RASGRP4: variants seen among roughly 807,000 people sequenced by gnomAD.
RASGRP4 encodes the protein RAS guanyl-releasing protein 4.
RASGRP4 carries 52 observed loss-of-function variants against 84.4 expected under a neutral mutation model. That is an observed-to-expected ratio of 0.62 (90% CI 0.49 to 0.78). RASGRP4 has a LOEUF of 0.78. Among genes scored for constraint, RASGRP4 ranks in the 30% least tolerant of loss-of-function variants. The pLI is 0.00. For synonymous variants in RASGRP4, 356 were observed against 359.1 expected, an observed-to-expected ratio of 0.99 and a Z score of 0.10; for missense variants, 760 against 886.9, an observed-to-expected ratio of 0.86 and a Z score of 1.82.
chr19:38,420,857 G>A, intron 4 of RASGRP4, 51 bp downstream of exon 4: 1 of 1,548,112 alleles, frequency 6.5e-7, no homozygotes, highest in Non-Finnish European at 8.9e-7. Context: ...TGAGGGGGAA[G>A]CAGGATGGAA....
intron 6 of RASGRP4, among the ~76,000 whole-genome samples, 193 bp downstream of exon 6, chr19:38,419,667 C>G (rs1319805712): frequency 6.6e-6 from 1 of 152,226 alleles, no homozygotes; most frequent in Non-Finnish European, 1.5e-5. Flanking sequence ...CTCCTGACCT[C>G]AGGCGATCTG....
Position 38,415,142 on chromosome 19 carries a change from G to A in RASGRP4, c.955-19C>T, listed in dbSNP as rs764192647. The A allele has an allele frequency of 3.2e-6, 5 of 1,570,802 alleles. No individual in the cohort carries two copies. The highest frequency in any genetic ancestry group is 1.4e-5 in the African/African-American group (1 of 74,028). ...GGAGGGCCTGGGGAGGAGGGACATG[G>A]GATTGGGGCGTTATCAGGACAGTCC... On this transcript the variant is annotated intron_variant, in intron 8 of 16. Coordinates refer to ENST00000615439, the MANE Select transcript of RASGRP4 (RefSeq NM_170604.3).
chr19:38,421,030 A>T (rs1381576429), intron 3 of RASGRP4, 60 bp from the exon 4 acceptor site: 1 of 1,606,342 alleles, frequency 6.2e-7, no homozygotes, highest in East Asian at 2.2e-5. Context: ...CCCCATTCCC[A>T]TTGCCCAGGT....
In RASGRP4 at chr19:38,417,291, G is replaced by A. The variant is rs1463426373; in HGVS notation, c.838-123C>T. The stretch of plus-strand genomic sequence containing the variant: ...TGTGGACCAATGTGGGGATCAGACA[G>A]GTGAGAGAAGGCGGGTGTGTGCGGC... On this transcript the variant is annotated intron_variant, in intron 7 of 16. Transcript: ENST00000615439. This position sits in a 1 kb window ranked among gnomAD's most constrained non-coding sequence, Gnocchi z 5.1. 1.5e-6 allele frequency: 1 copy of A among 677,842 alleles called. No homozygotes were observed. Among genetic ancestry groups the A allele is most frequent in the Non-Finnish European group, 2.7e-6 (1 of 372,432 alleles). The allele number at this position is 677,842 out of a possible 1,614,324, so 42.0% of individuals were successfully genotyped here.
At chr19:38,423,855 A>G (rs963645097) in intron 1 of RASGRP4, among the ~76,000 whole-genome samples, 1 of 151,726 alleles carries the variant, frequency 6.6e-6, no homozygotes, top group African/African-American at 2.4e-5. Flanking sequence ...AATAATAATA[A>G]TAGTAATAAT....
At position 38,410,880 on chromosome 19, in the gene RASGRP4, C is replaced by T. The variant is rs1358950597; in HGVS notation, c.1965+6G>A. 3 of 1,582,466 alleles carry T rather than the reference C, an allele frequency of 1.9e-6. No homozygotes were observed. The highest frequency in any genetic ancestry group is 1.2e-5 in the South Asian group (1 of 86,670). On this transcript the variant is annotated splice_donor_region_variant and intron_variant, in intron 16 of 16. Transcript: ENST00000615439. ...CCACTTGGGGGTAGGGGCGGTTTCT[C>T]CTCACCGTATCTGTTTCCCAGGAAG... is the stretch of plus-strand genomic sequence containing the variant.
In RASGRP4 at chr19:38,412,828, A is replaced by C; in HGVS notation, c.1536-12T>G. The C allele has an allele frequency of 6.2e-7, 1 of 1,610,190 alleles. No homozygotes were observed. Among genetic ancestry groups the C allele is most frequent in the South Asian group, 1.1e-5 (1 of 90,788 alleles). On this transcript the variant is annotated splice_polypyrimidine_tract_variant and intron_variant, in intron 12 of 16. Coordinates refer to ENST00000615439, the MANE Select transcript of RASGRP4 (RefSeq NM_170604.3). This position sits in a 1 kb window ranked among gnomAD's most constrained non-coding sequence, Gnocchi z 4.6. ...TGAAGGATCCTCTCCTGGGGGCAGA[A>C]ACTGAGCCTCAGCATGACCTGCCCC...
intron 9 of RASGRP4, 148 bp downstream of exon 9, chr19:38,414,700 G>C: frequency 1.3e-6 from 1 of 774,182 alleles, no homozygotes; most frequent in Non-Finnish European, 2.0e-6. Flanking sequence ...CCAAGATCAC[G>C]CAGCTAGAAA....
intron 2 of RASGRP4, among the ~76,000 whole-genome samples, chr19:38,421,765 A>G (rs1204902491): frequency 6.8e-6 from 1 of 147,598 alleles, no homozygotes; most frequent in Non-Finnish European, 1.5e-5. Flanking sequence ...TATAATATAC[A>G]CATATATTAT....
At chr19:38,424,624 G>A (rs989941143) in intron 1 of RASGRP4, among the ~76,000 whole-genome samples, 2 of 143,074 alleles carry the variant, frequency 1.4e-5, no homozygotes, top group African/African-American at 2.5e-5. Context: ...AATGGGGGGG[G>A]GGGTCTCACT....
chr19:38,416,649 G>A (rs1233577555), intron 8 of RASGRP4, among the ~76,000 whole-genome samples: 1 of 152,018 alleles, frequency 6.6e-6, no homozygotes, highest in Non-Finnish European at 1.5e-5. Flanking sequence ...ATTTTATCAA[G>A]GGTGTGTCAT....
intron 16 of RASGRP4, among the ~76,000 whole-genome samples, chr19:38,410,614 C>T (rs1012928300): frequency 2.0e-5 from 3 of 151,912 alleles, no homozygotes; most frequent in Admixed American, 6.6e-5. Flanking sequence ...GGTTTTATCA[C>T]GTTGGCCAGG....
rs1971590534 is a variant in RASGRP4, at chr19:38,418,328, G to A, written c.837+63C>T. ...GATGACCCTGTGGGGTCGAGGGTCT[G>A]GAAGGGGAAGGACCAGGTGGCTGCG... On this transcript the variant is annotated intron_variant, in intron 7 of 16. Transcript: ENST00000615439. The surrounding 1 kb of genome is among the most constrained non-coding windows in gnomAD (Gnocchi z 4.6). 2.0e-6 allele frequency: 3 copies of A among 1,524,056 alleles called. No homozygotes were observed. Among genetic ancestry groups the A allele is most frequent in the Non-Finnish European group, 2.7e-6 (3 of 1,121,994 alleles). 94.4% of individuals were successfully genotyped at this position (1,524,056 alleles called of 1,614,324 possible).
At chr19:38,423,962 G>A (rs1971874850) in intron 1 of RASGRP4, among the ~76,000 whole-genome samples, 2 of 152,150 alleles carry the variant, frequency 1.3e-5, no homozygotes, top group African/African-American at 4.8e-5. Flanking sequence ...TGGGAGCAGG[G>A]AGGCTGCTGA....
intron 3 of RASGRP4, 29 bp downstream of exon 3, chr19:38,421,066 C>A (rs766374500): frequency 1.4e-5 from 22 of 1,608,078 alleles, no homozygotes; most frequent in Non-Finnish European, 1.8e-5. Flanking sequence ...CTCTGCCCTC[C>A]ACCCATAGCT....
rs1285898381 is a variant in RASGRP4, at chr19:38,413,481, C to T, written c.1231-7G>A. The T allele has an allele frequency of 1.9e-6, 3 of 1,588,120 alleles. No homozygotes were observed. Among genetic ancestry groups the T allele is most frequent in the Non-Finnish European group, 2.6e-6 (3 of 1,166,914 alleles). ...AGAAGAGGTCCAGGGAGAGCTGGAG[C>T]AGACAGGGGTGTTACGGATCCTCCC... On this transcript the variant is annotated splice_polypyrimidine_tract_variant and splice_region_variant and intron_variant, in intron 9 of 16. Transcript: ENST00000615439. The surrounding 1 kb of genome is among the most constrained non-coding windows in gnomAD (Gnocchi z 4.7).
rs1343729491 is a variant in RASGRP4 at position 38,411,186 on chromosome 19, G to C, written c.1781C>G (p.Pro594Arg). ...DQVKVECKKR[P>R]GAKGDAGPPG... ...GGGTCCTGCATCGCCCTTGGCCCCTGGCCTCTTCTTACATTCTACCTTCAC... is the reference window on the plus strand; with the variant it reads ...GGGTCCTGCATCGCCCTTGGCCCCTCGCCTCTTCTTACATTCTACCTTCAC... The change falls in exon 15 of 17, where the codon CCA (proline) becomes CGA (arginine). Residue 594 changes from proline (P) to arginine (R), a missense_variant. Coordinates refer to ENST00000615439, the MANE Select transcript of RASGRP4 (RefSeq NM_170604.3). 6.2e-7 allele frequency: 1 copy of C among 1,613,938 alleles called. No homozygotes were observed. The highest frequency in any genetic ancestry group is 2.2e-5 in the East Asian group (1 of 44,886).
Position 38,417,893 on chromosome 19 carries a change from C to G in RASGRP4, c.837+498G>C, listed in dbSNP as rs963102782. On this transcript the variant is annotated intron_variant, in intron 7 of 16. Coordinates refer to ENST00000615439, the MANE Select transcript of RASGRP4 (RefSeq NM_170604.3). This position sits in a 1 kb window ranked among gnomAD's most constrained non-coding sequence, Gnocchi z 5.1. ...GCAAGGGGGCGCGGCCACAGCGGGG[C>G]CGTAGGGCTTCCCTTTTCCCCAGAA... Among the ~76,000 whole-genome samples, 2 of 151,954 alleles carry G rather than the reference C, an allele frequency of 1.3e-5. No individual in the cohort carries two copies. Among genetic ancestry groups the G allele is most frequent in the Admixed American group, 6.5e-5 (1 of 15,270 alleles).
Position 38,417,813 on chromosome 19 carries a change from G to A in RASGRP4, c.837+578C>T, listed in dbSNP as rs1053110210. Among the ~76,000 whole-genome samples the A allele has an allele frequency of 2.6e-5, 4 of 152,184 alleles. No individual in the cohort carries two copies. Among genetic ancestry groups the A allele is most frequent in the Non-Finnish European group, 5.9e-5 (4 of 68,032 alleles). ...CCCCCAGGTCTCAGGGGCCCTGCAG[G>A]AGTAAGCAAGCCAGGGAAGACACCA... On this transcript the variant is annotated intron_variant, in intron 7 of 16. Transcript: ENST00000615439. This position sits in a 1 kb window ranked among gnomAD's most constrained non-coding sequence, Gnocchi z 5.1.
Sources: allele counts gnomAD v4.1 joint callset (sites outside exome capture counted in the v4.1 genomes callset), GRCh38; gene constraint gnomAD v4.1.1; non-coding constraint Gnocchi (gnomAD v3.1); transcripts MANE v1.5; gene names NCBI Gene and HGNC (gene_info 2026-07-23, HGNC 2026-07-21).